MAP3K4: variants seen among roughly 807,000 people sequenced by gnomAD.
MAP3K4 encodes MAP three kinase 1.
MAP3K4 carries 67 observed loss-of-function variants against 185.6 expected under a neutral mutation model. That is an observed-to-expected ratio of 0.36 (90% CI 0.30 to 0.44). The LOEUF (loss-of-function observed/expected upper bound fraction) is 0.44. Among genes scored for constraint, MAP3K4 ranks in the 20% least tolerant of loss-of-function variants. The pLI is 1.00. For missense variants in MAP3K4, 1,551 were observed against 1,995.1 expected (o/e 0.78, Z 4.24); for synonymous variants, 702 against 710.4 (o/e 0.99, Z 0.19).
At chr6:161,062,345 A>T (rs1038737364) in intron 3 of MAP3K4, among the ~76,000 whole-genome samples, 3 of 152,184 alleles carry the variant, frequency 2.0e-5, no homozygotes, top group Admixed American at 1.3e-4. Flanking sequence ...CGTGTATGAC[A>T]GTACTTTCTC....
At position 161,103,847 on chromosome 6, in the gene MAP3K4, A is replaced by C. The variant is rs2114901154; in HGVS notation, c.3856+1068A>C. 6.6e-6 allele frequency among the ~76,000 whole-genome samples: 1 copy of C among 152,352 alleles called. No individual in the cohort carries two copies. The highest frequency in any genetic ancestry group is 2.4e-5 in the African/African-American group (1 of 41,592). On this transcript the variant is annotated intron_variant, in intron 19 of 26. Transcript: ENST00000392142. The surrounding 1 kb of genome is among the most constrained non-coding windows in gnomAD (Gnocchi z 4.6). Reference sequence around the variant, plus strand: ...ATACTGGACTAATGTGGGATTTAAAAGAGGTAATGGCAGCAAGAAACAACT... The same window carrying C: ...ATACTGGACTAATGTGGGATTTAAACGAGGTAATGGCAGCAAGAAACAACT...
In MAP3K4 at chr6:161,070,874, A is replaced by G; in HGVS notation, c.1950+24A>G. 6.4e-7 allele frequency: 1 copy of G among 1,566,586 alleles called. No individual in the cohort carries two copies. Among genetic ancestry groups the G allele is most frequent in the South Asian group, 1.2e-5 (1 of 84,722 alleles). ...AGGTTTGCTTCAAAGACTCTTTAAA[A>G]TATTTAGCAATTATTATATTATCCT... On this transcript the variant is annotated intron_variant, in intron 4 of 26. Transcript: ENST00000392142. This position sits in a 1 kb window ranked among gnomAD's most constrained non-coding sequence, Gnocchi z 4.5.
intron 1 of MAP3K4, among the ~76,000 whole-genome samples, chr6:161,029,971 C>A (rs2115150360): frequency 6.6e-6 from 1 of 152,234 alleles, no homozygotes; most frequent in East Asian, 1.9e-4. Context: ...TTTTAATATT[C>A]TTCTCTTCGT....
intron 1 of MAP3K4, among the ~76,000 whole-genome samples, chr6:161,016,918 TTGAA>T (rs1777267209): frequency 2.0e-5 from 3 of 152,216 alleles, no homozygotes; most frequent in Non-Finnish European, 4.4e-5. Flanking sequence ...TGCATGCAGT[TTGAA>T]TGGTGAATTA....
In MAP3K4 at chr6:161,053,632, C is replaced by A. The variant is rs1262948231; in HGVS notation, c.1707+3653C>A. Among the ~76,000 whole-genome samples, 1 of 152,168 alleles carries A rather than the reference C, an allele frequency of 6.6e-6. No homozygotes were observed. Among genetic ancestry groups the A allele is most frequent in the East Asian group, 1.9e-4 (1 of 5,196 alleles). On this transcript the variant is annotated intron_variant, in intron 3 of 26. Transcript: ENST00000392142. The surrounding 1 kb of genome is among the most constrained non-coding windows in gnomAD (Gnocchi z 4.2). ...TTTGAGACAAAGTCTCATTCTGTTTCCTAGGCTGGAGTGTAATGGGAAGAT... is the reference window on the plus strand; with the variant it reads ...TTTGAGACAAAGTCTCATTCTGTTTACTAGGCTGGAGTGTAATGGGAAGAT...
Position 161,061,340 on chromosome 6 carries a change from C to G in MAP3K4, c.1708-9268C>G, listed in dbSNP as rs1784479481. 6.6e-6 allele frequency among the ~76,000 whole-genome samples: 1 copy of G among 152,246 alleles called. No homozygotes were observed. The highest frequency in any genetic ancestry group is 6.5e-5 in the Admixed American group (1 of 15,286). On this transcript the variant is annotated intron_variant, in intron 3 of 26. Coordinates refer to ENST00000392142, the MANE Select transcript of MAP3K4 (RefSeq NM_005922.4). The surrounding 1 kb of genome is among the most constrained non-coding windows in gnomAD (Gnocchi z 4.2). Reference sequence around the variant, plus strand: ...TTATAACCCTCTGTGGATGTAACATCAGATAACTGCATTTTAAAGACTTTT... The same window carrying G: ...TTATAACCCTCTGTGGATGTAACATGAGATAACTGCATTTTAAAGACTTTT...
Position 161,061,057 on chromosome 6 carries a change from G to A in MAP3K4, c.1708-9551G>A, listed in dbSNP as rs1388272468. Among the ~76,000 whole-genome samples, 1 of 152,210 alleles carries A rather than the reference G, an allele frequency of 6.6e-6. No individual in the cohort carries two copies. Among genetic ancestry groups the A allele is most frequent in the African/African-American group, 2.4e-5 (1 of 41,442 alleles). On this transcript the variant is annotated intron_variant, in intron 3 of 26. Transcript: ENST00000392142. This position sits in a 1 kb window ranked among gnomAD's most constrained non-coding sequence, Gnocchi z 4.2. ...TGGTCATTGTTTTACTGTTTAGTGG[G>A]CAGATGAAAACACATACACAAAATG...
chr6:161,114,376 TTAAGTTACTAG>T lies in MAP3K4; in HGVS notation c.4627-744_4627-734del, dbSNP rs1203811163. Among the ~76,000 whole-genome samples, 6 of 152,198 alleles carry T rather than the reference TTAAGTTACTAG, an allele frequency of 3.9e-5. No individual in the cohort carries two copies. The highest frequency in any genetic ancestry group is 7.3e-5 in the Non-Finnish European group (5 of 68,038). On this transcript the variant is annotated intron_variant, in intron 25 of 26. Transcript: ENST00000392142. This position sits in a 1 kb window ranked among gnomAD's most constrained non-coding sequence, Gnocchi z 4.3. ...TTCATTTCTAAGTTAAAAGTTAGTG[TTAAGTTACTAG>T]TAGGAAATCAGTTAATTATAATGTA... is the stretch of plus-strand genomic sequence containing the variant.
chr6:161,012,528 G>T lies in MAP3K4; in HGVS notation c.152+20445G>T, dbSNP rs372648117. 8.5e-5 allele frequency among the ~76,000 whole-genome samples: 13 copies of T among 152,248 alleles called. No homozygotes were observed. The East Asian group carries it at 1.9e-3, about 23-fold the overall frequency. On this transcript the variant is annotated intron_variant, in intron 1 of 26. Coordinates refer to ENST00000392142, the MANE Select transcript of MAP3K4 (RefSeq NM_005922.4). ...ATTTACATCTATAATCTACCTATATGCTATCATATAAGTGGCATAACTTGT... is the reference window on the plus strand; with the variant it reads ...ATTTACATCTATAATCTACCTATATTCTATCATATAAGTGGCATAACTTGT...
chr6:161,036,890 T>C (rs1424635639), intron 2 of MAP3K4, among the ~76,000 whole-genome samples: 1 of 152,190 alleles, frequency 6.6e-6, no homozygotes, highest in Admixed American at 6.5e-5. Flanking sequence ...TGGTGCTTAC[T>C]CAGAAAGTAT....
chr6:161,001,352 T>A (rs1781315370), intron 1 of MAP3K4, among the ~76,000 whole-genome samples: 1 of 152,084 alleles, frequency 6.6e-6, no homozygotes, highest in Non-Finnish European at 1.5e-5. Flanking sequence ...ATATGCATGA[T>A]ATATATGTCA....
rs1167974742 is a variant in MAP3K4, at chr6:161,077,110, A to C, written c.2097+3498A>C. On this transcript the variant is annotated intron_variant, in intron 5 of 26. Coordinates refer to ENST00000392142, the MANE Select transcript of MAP3K4 (RefSeq NM_005922.4). This position sits in a 1 kb window ranked among gnomAD's most constrained non-coding sequence, Gnocchi z 4.3. ...AAAAACGTAGACCAAACAATACTAT[A>C]TATTGTAGTTTCTGTAATAAGAGAT... Among the ~76,000 whole-genome samples, 1 of 152,188 alleles carries C rather than the reference A, an allele frequency of 6.6e-6. No homozygotes were observed. The highest frequency in any genetic ancestry group is 1.5e-5 in the Non-Finnish European group (1 of 68,034).
At position 161,048,727 on chromosome 6, in the gene MAP3K4, C is replaced by T; in HGVS notation, c.455C>T (p.Thr152Ile). Reference sequence around the variant, plus strand: ...AAAAAGATCCGAGCAGCTCTTAGAACAACAGAGCGTGATCGTAAAAAAAAT... The same window carrying T: ...AAAAAGATCCGAGCAGCTCTTAGAATAACAGAGCGTGATCGTAAAAAAAAT... ...QEKKIRAALR[T>I]TERDRKKNVQ... is the part of the protein sequence containing the mutation. Residue 152 changes from threonine to isoleucine, a missense_variant, in exon 3 of 27, where the codon ACA (threonine) becomes ATA (isoleucine). Physicochemically the swap from Thr to Ile is moderately conservative, Grantham distance 89. Transcript: ENST00000392142. The surrounding 1 kb of genome is among the most constrained non-coding windows in gnomAD (Gnocchi z 4.7). The T allele has an allele frequency of 6.2e-7, 1 of 1,613,912 alleles. No homozygotes were observed. Among genetic ancestry groups the T allele is most frequent in the Non-Finnish European group, 8.5e-7 (1 of 1,179,962 alleles).
Position 161,112,313 on chromosome 6 carries a change from C to G in MAP3K4, c.4519+355C>G, listed in dbSNP as rs1465811565. On this transcript the variant is annotated intron_variant, in intron 24 of 26. Coordinates refer to ENST00000392142, the MANE Select transcript of MAP3K4 (RefSeq NM_005922.4). The surrounding 1 kb of genome is among the most constrained non-coding windows in gnomAD (Gnocchi z 5.1). Reference sequence around the variant, plus strand: ...CAGCATACACCAGTCTCGTTGGCTGCCTGCCTGTCCACTACCTTGTCTAAA... The same window carrying G: ...CAGCATACACCAGTCTCGTTGGCTGGCTGCCTGTCCACTACCTTGTCTAAA... Among the ~76,000 whole-genome samples, 2 of 152,154 alleles carry G rather than the reference C, an allele frequency of 1.3e-5. No individual in the cohort carries two copies. Among genetic ancestry groups the G allele is most frequent in the African/African-American group, 2.4e-5 (1 of 41,434 alleles).
chr6:161,091,140 A>G lies in MAP3K4; in HGVS notation c.2974-239A>G, dbSNP rs1431072853. 6.6e-6 allele frequency among the ~76,000 whole-genome samples: 1 copy of G among 152,244 alleles called. No individual in the cohort carries two copies. The highest frequency in any genetic ancestry group is 1.5e-5 in the Non-Finnish European group (1 of 68,044). ...AAAAATATTGAAGATAAAAGCATCTATTCCAAGAGCAGATTATAACTAGAC... is the reference window on the plus strand; with the variant it reads ...AAAAATATTGAAGATAAAAGCATCTGTTCCAAGAGCAGATTATAACTAGAC... On this transcript the variant is annotated intron_variant, in intron 11 of 26. Coordinates refer to ENST00000392142, the MANE Select transcript of MAP3K4 (RefSeq NM_005922.4). This position sits in a 1 kb window ranked among gnomAD's most constrained non-coding sequence, Gnocchi z 5.5.
chr6:161,040,724 A>G (rs1783412212), intron 2 of MAP3K4, among the ~76,000 whole-genome samples: 1 of 152,284 alleles, frequency 6.6e-6, no homozygotes, highest in South Asian at 2.1e-4. Context: ...ACACTAGCCA[A>G]GAACAGAGAT....
chr6:161,045,128 CTATTT>C (rs1359624436), intron 2 of MAP3K4, among the ~76,000 whole-genome samples: 1 of 151,982 alleles, frequency 6.6e-6, no homozygotes, highest in Admixed American at 6.6e-5. Context: ...ACGAGTTTGT[CTATTT>C]TAAGTTCGAA....
In MAP3K4 at chr6:161,051,913, G is replaced by A. The variant is rs558019176; in HGVS notation, c.1707+1934G>A. Among the ~76,000 whole-genome samples, 18 of 152,204 alleles carry A rather than the reference G, an allele frequency of 1.2e-4. No individual in the cohort carries two copies. The South Asian group carries it at 3.3e-3, about 28-fold the overall frequency. On this transcript the variant is annotated intron_variant, in intron 3 of 26. Transcript: ENST00000392142. The surrounding 1 kb of genome is among the most constrained non-coding windows in gnomAD (Gnocchi z 4.2). ...CGTTGCCCAGGCTGGACTCAAACTC[G>A]TGGGCTAAAACAGTCCTCCTGCCTT...
rs1377973294 is a variant in MAP3K4, at chr6:160,996,596, T to A, written c.152+4513T>A. Among the ~76,000 whole-genome samples the A allele has an allele frequency of 6.6e-6, 1 of 152,224 alleles. No homozygotes were observed. Among genetic ancestry groups the A allele is most frequent in the African/African-American group, 2.4e-5 (1 of 41,462 alleles). On this transcript the variant is annotated intron_variant, in intron 1 of 26. Coordinates refer to ENST00000392142, the MANE Select transcript of MAP3K4 (RefSeq NM_005922.4). This position sits in a 1 kb window ranked among gnomAD's most constrained non-coding sequence, Gnocchi z 4.5. ...TATGCTGTTTGAAGACTCTTTAACG[T>A]TGCCTATCAGTAGGCTACTGGTAGT...
Sources: allele counts gnomAD v4.1 joint callset (sites outside exome capture counted in the v4.1 genomes callset), GRCh38; gene constraint gnomAD v4.1.1; non-coding constraint Gnocchi (gnomAD v3.1); transcripts MANE v1.5; gene names NCBI Gene and HGNC (gene_info 2026-07-23, HGNC 2026-07-21).